UNC79: variants seen among roughly 807,000 people sequenced by gnomAD.
The protein encoded by UNC79 is protein unc-79 homolog.
UNC79 carries 37 observed loss-of-function variants against 283.1 expected under a neutral mutation model. The ratio of observed to expected loss-of-function variants is 0.13; its 90% CI spans 0.10 to 0.17. The LOEUF is 0.17. Among genes scored for constraint, UNC79 ranks in the 10% least tolerant of loss-of-function variants. The pLI, the probability that UNC79 is intolerant of heterozygous loss-of-function variation, is 1.00. For synonymous variants in UNC79, 1,107 were observed against 1,200.2 expected (o/e 0.92, Z 1.61); for missense variants, 2,272 against 3,211.1 (o/e 0.71, Z 7.07).
chr14:93,627,100 T>G (rs2067628273), intron 30 of UNC79, among the ~76,000 whole-genome samples: 1 of 152,206 alleles, frequency 6.6e-6, no homozygotes, highest in Admixed American at 6.5e-5. Flanking sequence ...TCCTACTATT[T>G]CACCCAAAGA....
chr14:93,562,905 G>C (rs1180999432), intron 14 of UNC79, among the ~76,000 whole-genome samples: 9 of 152,300 alleles, frequency 5.9e-5, no homozygotes, highest in African/African-American at 2.2e-4. Context: ...CCCCGAGCTT[G>C]ATGTGAAGGG....
intron 30 of UNC79, among the ~76,000 whole-genome samples, chr14:93,627,638 C>T (rs1282887317): frequency 6.6e-6 from 1 of 152,120 alleles, no homozygotes; most frequent in Non-Finnish European, 1.5e-5. Flanking sequence ...ATTCTGTCAG[C>T]CAAAGCAAAT....
intron 41 of UNC79, among the ~76,000 whole-genome samples, chr14:93,676,160 G>T (rs2140710603): frequency 6.6e-6 from 1 of 152,280 alleles, no homozygotes; most frequent in Non-Finnish European, 1.5e-5. Flanking sequence ...TGGCTCAAGT[G>T]ATCCTCCTAC....
intron 13 of UNC79, 49 bp downstream of exon 13, chr14:93,540,880 A>G (rs1361706883): frequency 6.2e-7 from 1 of 1,606,142 alleles, no homozygotes; most frequent in Non-Finnish European, 8.5e-7. Flanking sequence ...TCTCATTTCA[A>G]AATTGTACTG....
intron 1 of UNC79, chr14:93,335,042 A>G (rs2053547502): frequency 6.6e-6 from 1 of 152,248 alleles, no homozygotes; most frequent in South Asian, 2.1e-4. Context: ...TTAAAATGGT[A>G]TCAACAACAA....
At chr14:93,700,719 A>G (rs933303936) in intron 47 of UNC79, among the ~76,000 whole-genome samples, 6 of 152,162 alleles carry the variant, frequency 3.9e-5, no homozygotes, top group African/African-American at 1.4e-4. Flanking sequence ...TTAGGTATTG[A>G]TCAGAGCAGC....
Position 93,577,959 on chromosome 14 carries a change from A to G in UNC79, c.2329A>G (p.Lys777Glu), listed in dbSNP as rs1252907190. ...GCGTAGTCCGTTTCGTAGCCCTTTCAAGAATTTTGGACACCCAGGAGGAAG... is the reference window on the plus strand; with the variant it reads ...GCGTAGTCCGTTTCGTAGCCCTTTCGAGAATTTTGGACACCCAGGAGGAAG... The change falls in exon 18 of 49, where the codon AAG becomes GAG. Residue 777 changes from lysine to glutamate, a missense_variant. Around this residue, in one of 11 missense-constraint regions of UNC79, gnomAD observed 356 missense variants for 416.2 expected, o/e 0.86. Transcript: ENST00000555664. 1.9e-6 allele frequency: 3 copies of G among 1,614,192 alleles called. No individual in the cohort carries two copies. In the South Asian group the frequency reaches 3.3e-5, roughly 18 times the overall value.
chr14:93,349,460 T>G (rs1189401350), intron 1 of UNC79, among the ~76,000 whole-genome samples: 2 of 152,142 alleles, frequency 1.3e-5, no homozygotes, highest in Non-Finnish European at 2.9e-5. Flanking sequence ...TACTATGGGG[T>G]TACAATCTTC....
intron 31 of UNC79, chr14:93,634,612 C>A (rs2068348902): frequency 1.2e-6 from 2 of 1,613,862 alleles, no homozygotes; most frequent in African/African-American, 1.3e-5. Flanking sequence ...CTAGCGCCCC[C>A]CATAACATCA....
At chr14:93,598,765 G>A (rs1427997206) in intron 24 of UNC79, among the ~76,000 whole-genome samples, 1 of 151,984 alleles carries the variant, frequency 6.6e-6, no homozygotes, top group Admixed American at 6.6e-5. Flanking sequence ...CAAGTGATTC[G>A]CCTGCCTCGG....
intron 32 of UNC79, among the ~76,000 whole-genome samples, chr14:93,639,463 T>C (rs1053115158): frequency 6.6e-6 from 1 of 152,242 alleles, no homozygotes; most frequent in Non-Finnish European, 1.5e-5. Context: ...TTAATCAGTG[T>C]ACATTTATGC....
At chr14:93,577,566 T>C (rs1456592974) in intron 17 of UNC79, among the ~76,000 whole-genome samples, 2 of 152,244 alleles carry the variant, frequency 1.3e-5, no homozygotes, top group Non-Finnish European at 2.9e-5. Flanking sequence ...TCCGGTCTAA[T>C]TGGACATGTT....
intron 1 of UNC79, among the ~76,000 whole-genome samples, chr14:93,368,289 C>T (rs899454955): frequency 5.9e-5 from 9 of 152,072 alleles, no homozygotes; most frequent in African/African-American, 2.2e-4. Context: ...TTAAATTCAC[C>T]TATTAGAATG....
intron 1 of UNC79, among the ~76,000 whole-genome samples, chr14:93,357,346 C>G (rs1198017983): frequency 6.6e-6 from 1 of 151,978 alleles, no homozygotes; most frequent in East Asian, 1.9e-4. Context: ...AGTATTGGTC[C>G]TGGGTGTGTC....
intron 7 of UNC79, among the ~76,000 whole-genome samples, 171 bp from the exon 8 acceptor site, chr14:93,523,807 G>A (rs1410044845): frequency 6.6e-6 from 1 of 152,156 alleles, no homozygotes; most frequent in Non-Finnish European, 1.5e-5. Context: ...GGATGGAGTT[G>A]TATATCTTTG....
intron 47 of UNC79, among the ~76,000 whole-genome samples, chr14:93,700,538 T>A (rs2075453561): frequency 6.6e-6 from 1 of 152,132 alleles, no homozygotes; most frequent in South Asian, 2.1e-4. Flanking sequence ...GTTGTTGTTG[T>A]TTCTTAGCAT....
At chr14:93,705,469 T>C (rs1686444049) in intron 48 of UNC79, among the ~76,000 whole-genome samples, 1 of 152,078 alleles carries the variant, frequency 6.6e-6, no homozygotes, top group South Asian at 2.1e-4. Flanking sequence ...AAGAATTCTG[T>C]TATGACAGGA....
At chr14:93,566,673 C>G in intron 14 of UNC79, among the ~76,000 whole-genome samples, 1 of 142,852 alleles carries the variant, frequency 7.0e-6, no homozygotes, top group East Asian at 2.0e-4. Flanking sequence ...GAATCTTGCT[C>G]TGTTGCCAGG....
chr14:93,687,539 G>C (rs535960322), intron 43 of UNC79, among the ~76,000 whole-genome samples: 4 of 152,186 alleles, frequency 2.6e-5, no homozygotes, highest in Non-Finnish European at 5.9e-5. Flanking sequence ...GATCCCAGAA[G>C]TTCATCAGCC....
Sources: gnomAD v4.1 joint callset for allele counts (sites outside exome capture counted in the v4.1 genomes callset) on GRCh38, gnomAD v4.1.1 for gene constraint, gnomAD v4.1.1 regional missense constraint, MANE v1.5 for transcripts, NCBI Gene and HGNC (gene_info 2026-07-23, HGNC 2026-07-21) for gene names.